The following CREB5 variants were observed in gnomAD, a reference collection of about 807,000 sequenced individuals.
CREB5 encodes the protein cyclic AMP-responsive element-binding protein 5.
A neutral mutation model predicts 57.1 loss-of-function variants in CREB5; 19 were observed. The ratio of observed to expected loss-of-function variants is 0.33; its 90% CI spans 0.23 to 0.49. The LOEUF is 0.49. Ranked by LOEUF, CREB5 falls within the 20% of genes least tolerant of loss-of-function variation. The probability of loss-of-function intolerance (pLI) is 0.99; values close to 1 mark genes in which losing one functional copy is unlikely to be tolerated. For synonymous variants in CREB5, 238 were observed against 238.3 expected, an observed-to-expected ratio of 1.00 and a Z score of 0.01; for missense variants, 579 against 671.6, an observed-to-expected ratio of 0.86 and a Z score of 1.52.
At chr7:28,423,652 G>A (rs376826264) in intron 1 of CREB5, among the ~76,000 whole-genome samples, 2 of 152,096 alleles carry the variant, frequency 1.3e-5, no homozygotes, top group Non-Finnish European at 1.5e-5. Flanking sequence ...CTGAATTGGG[G>A]GATGGTGAAT....
At chr7:28,748,404 G>A (rs1164896008) in intron 7 of CREB5, among the ~76,000 whole-genome samples, 1 of 152,204 alleles carries the variant, frequency 6.6e-6, no homozygotes, top group East Asian at 1.9e-4. Context: ...GCAAGGAAAA[G>A]CTCTTTGCTC....
At chr7:28,670,794 G>A (rs1250283804) in intron 5 of CREB5, among the ~76,000 whole-genome samples, 1 of 152,110 alleles carries the variant, frequency 6.6e-6, no homozygotes, top group Non-Finnish European at 1.5e-5. Flanking sequence ...CCACAACTCT[G>A]TAGTAGCCTG....
chr7:28,356,579 G>A (rs1396841376), intron 1 of CREB5, among the ~76,000 whole-genome samples: 2 of 152,158 alleles, frequency 1.3e-5, no homozygotes, highest in Admixed American at 6.5e-5. Flanking sequence ...TGTTGTCTTG[G>A]TTAGCATTGC....
chr7:28,707,401 A>G (rs1480845900), intron 5 of CREB5, among the ~76,000 whole-genome samples: 1 of 152,200 alleles, frequency 6.6e-6, no homozygotes, highest in Non-Finnish European at 1.5e-5. Context: ...GAGAAAACAG[A>G]GGAGTTAGAT....
At chr7:28,543,395 C>A (rs1794286901) in intron 4 of CREB5, among the ~76,000 whole-genome samples, 1 of 152,056 alleles carries the variant, frequency 6.6e-6, no homozygotes, top group Non-Finnish European at 1.5e-5. Flanking sequence ...CCTGCCTAGC[C>A]ATTTGTCTAT....
At chr7:28,742,615 TCTC>T (rs1303979926) in intron 7 of CREB5, among the ~76,000 whole-genome samples, 2 of 151,962 alleles carry the variant, frequency 1.3e-5, no homozygotes, top group African/African-American at 4.8e-5. Context: ...AAACCCTTCA[TCTC>T]CTCCTCATCA....
chr7:28,576,469 C>T (rs1256168843), intron 5 of CREB5, among the ~76,000 whole-genome samples: 1 of 152,086 alleles, frequency 6.6e-6, no homozygotes, highest in African/African-American at 2.4e-5. Context: ...CACATGTTTC[C>T]CCATGCTCCT....
chr7:28,379,314 C>A (rs911440282), intron 1 of CREB5, among the ~76,000 whole-genome samples: 1 of 152,308 alleles, frequency 6.6e-6, no homozygotes. Flanking sequence ...TTCTAACCAC[C>A]AATTTAAGCT....
intron 5 of CREB5, among the ~76,000 whole-genome samples, chr7:28,580,592 TGA>T (rs201639370): frequency 0.15 from 22,026 of 143,174 alleles, 1,894 homozygotes; most frequent in Middle Eastern, 0.21. Flanking sequence ...TGTGTGTGTG[TGA>T]GAGAGAGATA....
At chr7:28,626,385 C>T (rs1173684791) in intron 5 of CREB5, among the ~76,000 whole-genome samples, 1 of 152,126 alleles carries the variant, frequency 6.6e-6, no homozygotes, top group Non-Finnish European at 1.5e-5. Context: ...AGGCTTGTTC[C>T]AAGTTTTATG....
chr7:28,718,610 TA>T, intron 5 of CREB5, 142 bp from the exon 6 acceptor site: 1 of 1,128,854 alleles, frequency 8.9e-7, no homozygotes, highest in Non-Finnish European at 1.2e-6. Context: ...ATTATTTCCC[TA>T]ATATCCTCAA....
chr7:28,500,831 C>G (rs2128602910), intron 3 of CREB5, among the ~76,000 whole-genome samples: 1 of 152,136 alleles, frequency 6.6e-6, no homozygotes, highest in South Asian at 2.1e-4. Context: ...AAATCACACG[C>G]ACACACACAC....
chr7:28,374,588 G>A (rs1786784649), intron 1 of CREB5, among the ~76,000 whole-genome samples: 1 of 152,192 alleles, frequency 6.6e-6, no homozygotes, highest in Non-Finnish European at 1.5e-5. Flanking sequence ...GGGAAGCCAG[G>A]TGCATAAGAC....
At chr7:28,592,292 G>C (rs1796548534) in intron 5 of CREB5, among the ~76,000 whole-genome samples, 1 of 152,182 alleles carries the variant, frequency 6.6e-6, no homozygotes, top group South Asian at 2.1e-4. Flanking sequence ...AATAAAGAAT[G>C]AATTAAAGCT....
At chr7:28,358,653 G>T (rs1317899404) in intron 1 of CREB5, among the ~76,000 whole-genome samples, 1 of 152,166 alleles carries the variant, frequency 6.6e-6, no homozygotes, top group African/African-American at 2.4e-5. Context: ...CGTCCTGCCT[G>T]GGGCCATGAG....
chr7:28,713,460 T>G (rs542013737), intron 5 of CREB5, among the ~76,000 whole-genome samples: 10 of 152,332 alleles, frequency 6.6e-5, no homozygotes, highest in African/African-American at 2.4e-4. Flanking sequence ...TTAATCAACT[T>G]CTCTTAATTT....
At chr7:28,816,582 A>T (rs375429217) in intron 9 of CREB5, among the ~76,000 whole-genome samples, 78 of 38,618 alleles carry the variant, frequency 2.0e-3, no homozygotes, top group African/African-American at 0.015. Context: ...TTATTTTATT[A>T]TTTTTGTTAT....
intron 4 of CREB5, among the ~76,000 whole-genome samples, chr7:28,523,237 T>A (rs939847082): frequency 2.0e-5 from 3 of 152,182 alleles, no homozygotes; most frequent in African/African-American, 7.2e-5. Context: ...TAAAGATTAA[T>A]TACTGGTATA....
intron 4 of CREB5, among the ~76,000 whole-genome samples, chr7:28,510,348 G>A (rs1019211425): frequency 1.3e-5 from 2 of 152,102 alleles, no homozygotes; most frequent in African/African-American, 2.4e-5. Context: ...ATCTCTAGTT[G>A]TCTTCTGATT....
Sources: gnomAD v4.1 joint callset for allele counts (sites outside exome capture counted in the v4.1 genomes callset) on GRCh38, gnomAD v4.1.1 for gene constraint, MANE v1.5 for transcripts, NCBI Gene and HGNC (gene_info 2026-07-23, HGNC 2026-07-21) for gene names.